MKLN1: variants seen among roughly 807,000 people sequenced by gnomAD.
MKLN1 encodes muskelin.
A neutral mutation model predicts 99.0 loss-of-function variants in MKLN1; 18 were observed. The observed-to-expected ratio is 0.18, with a 90% CI of 0.13 to 0.27. MKLN1 has a LOEUF of 0.27. Ranked by LOEUF, MKLN1 falls within the 10% of genes least tolerant of loss-of-function variation. The pLI is 1.00. For missense variants in MKLN1, 621 were observed against 875.9 expected (o/e 0.71, Z 3.67); for synonymous variants, 288 against 293.2 (o/e 0.98, Z 0.18).
At chr7:131,306,949 G>A (rs1798475815) in intron 3 of MKLN1, among the ~76,000 whole-genome samples, 1 of 152,192 alleles carries the variant, frequency 6.6e-6, no homozygotes, top group African/African-American at 2.4e-5. Context: ...CAGGCCCAGA[G>A]GCCTAGGAGG....
At chr7:131,476,719 T>C (rs1796977790) in intron 16 of MKLN1, among the ~76,000 whole-genome samples, 1 of 152,214 alleles carries the variant, frequency 6.6e-6, no homozygotes. Context: ...GTTGTTGTCA[T>C]TGAGGAAATA....
In MKLN1 at chr7:131,496,159, C is replaced by T. The variant is rs15956; in HGVS notation, c.*8431C>T. On this transcript the variant is annotated 3_prime_UTR_variant, in exon 18 of 18. Transcript: ENST00000352689. Reference sequence around the variant, plus strand: ...ATGAGACTCAATGTGTGGAGAAAACCGCTAACTTGTTTGGTTCTACTCTTA... The same window carrying T: ...ATGAGACTCAATGTGTGGAGAAAACTGCTAACTTGTTTGGTTCTACTCTTA... 88,577 of 151,838 alleles carry T rather than the reference C, an allele frequency of 0.58. 26,290 individuals are homozygous for T. Among genetic ancestry groups the T allele is most frequent in the Middle Eastern group, 0.78 (228 of 294 alleles). The allele number at this position is 151,838 out of a possible 1,614,324, so 9.4% of individuals were successfully genotyped here.
At chr7:131,452,579 TC>T (rs1796213697) in intron 12 of MKLN1, among the ~76,000 whole-genome samples, 1 of 118,918 alleles carries the variant, frequency 8.4e-6, no homozygotes, top group African/African-American at 3.3e-5. Context: ...TGAGATGGAG[TC>T]CCGCCCTGTC....
At chr7:131,438,174 CTT>C (rs1228759631) in intron 10 of MKLN1, among the ~76,000 whole-genome samples, 177 bp downstream of exon 10, 1 of 151,716 alleles carries the variant, frequency 6.6e-6, no homozygotes, top group Non-Finnish European at 1.5e-5. Context: ...ATTTTTTTCT[CTT>C]GTTTGTTGCA....
intron 2 of MKLN1, among the ~76,000 whole-genome samples, chr7:131,181,037 G>A (rs1482640044): frequency 6.6e-6 from 1 of 152,148 alleles, no homozygotes; most frequent in Non-Finnish European, 1.5e-5. Context: ...CATATATTTT[G>A]GGGGTAAATT....
intron 17 of MKLN1, among the ~76,000 whole-genome samples, chr7:131,486,345 T>G (rs907265729): frequency 6.6e-6 from 1 of 152,220 alleles, no homozygotes. Flanking sequence ...TTTCTTTCCA[T>G]TCATTTCCAT....
intron 12 of MKLN1, among the ~76,000 whole-genome samples, chr7:131,451,695 A>G (rs1796183094): frequency 6.6e-6 from 1 of 152,228 alleles, no homozygotes; most frequent in South Asian, 2.1e-4. Flanking sequence ...TGTCTAATAC[A>G]TACATAATTA....
At chr7:131,451,561 A>G (rs1584757448) in intron 12 of MKLN1, among the ~76,000 whole-genome samples, 1 of 152,192 alleles carries the variant, frequency 6.6e-6, no homozygotes, top group South Asian at 2.1e-4. Context: ...TAACATCTGA[A>G]GATCTGAAGA....
At chr7:131,121,731 G>A (rs1795376196) in intron 1 of MKLN1, among the ~76,000 whole-genome samples, 1 of 151,214 alleles carries the variant, frequency 6.6e-6, no homozygotes, top group Non-Finnish European at 1.5e-5. Flanking sequence ...CTATCACACA[G>A]GGGAAGATCA....
intron 1 of MKLN1, among the ~76,000 whole-genome samples, chr7:131,348,991 A>G (rs934853688): frequency 2.0e-5 from 3 of 152,132 alleles, no homozygotes; most frequent in Non-Finnish European, 1.5e-5. Flanking sequence ...GCAAAATAGC[A>G]AACAGTTGAT....
chr7:131,471,046 G>C lies in MKLN1; in HGVS notation c.2031+102G>C. On this transcript the variant is annotated intron_variant, in intron 16 of 17. Transcript: ENST00000352689. ...TCTTGAGTGTGTAAAGGAAAACGAA[G>C]AAAATATGATGACATCAGTAATCTT... is the stretch of plus-strand genomic sequence containing the variant. 6.8e-6 allele frequency: 5 copies of C among 730,752 alleles called. No homozygotes were observed. The South Asian group carries it at 9.1e-5, about 13-fold the overall frequency. 45.3% of individuals were successfully genotyped at this position (730,752 alleles called of 1,614,324 possible). A position where few individuals can be genotyped will look rare whatever the true frequency, so the allele number is the denominator to read the frequency against.
At chr7:131,404,697 C>T (rs1051416808) in intron 6 of MKLN1, among the ~76,000 whole-genome samples, 6 of 151,988 alleles carry the variant, frequency 3.9e-5, no homozygotes, top group Admixed American at 3.3e-4. Flanking sequence ...CTTGACCTCC[C>T]TGGGCTCAAG....
At chr7:131,436,389 A>C (rs1489078958) in intron 9 of MKLN1, among the ~76,000 whole-genome samples, 1 of 152,150 alleles carries the variant, frequency 6.6e-6, no homozygotes, top group Non-Finnish European at 1.5e-5. Flanking sequence ...CACTTTATAC[A>C]TCAATTCTGT....
At chr7:131,261,063 C>A (rs1048361405) in intron 3 of MKLN1, among the ~76,000 whole-genome samples, 4 of 152,158 alleles carry the variant, frequency 2.6e-5, no homozygotes, top group Admixed American at 6.5e-5. Context: ...CTAGGAAATA[C>A]CATTTTGGAC....
chr7:131,172,121 A>G (rs1161343155), intron 2 of MKLN1, among the ~76,000 whole-genome samples: 2 of 151,892 alleles, frequency 1.3e-5, no homozygotes, highest in Non-Finnish European at 2.9e-5. Flanking sequence ...GAATTTATTT[A>G]TTTATTTATT....
intron 10 of MKLN1, among the ~76,000 whole-genome samples, chr7:131,441,213 G>A (rs1795828874): frequency 6.6e-6 from 1 of 152,110 alleles, no homozygotes; most frequent in African/African-American, 2.4e-5. Context: ...ATTCTCACTG[G>A]GTCATGAGGC....
At chr7:131,219,669 GCCC>G (rs1797033625) in intron 3 of MKLN1, among the ~76,000 whole-genome samples, 2 of 152,058 alleles carry the variant, frequency 1.3e-5, no homozygotes, top group Non-Finnish European at 2.9e-5. Context: ...TGGCTGTCGG[GCCC>G]TGGGTTCAGC....
intron 3 of MKLN1, among the ~76,000 whole-genome samples, chr7:131,237,407 T>G (rs1797340145): frequency 6.6e-6 from 1 of 152,208 alleles, no homozygotes; most frequent in African/African-American, 2.4e-5. Context: ...TACCTCATTT[T>G]TCACACAGGA....
At chr7:131,202,983 G>A (rs1796753736) in intron 3 of MKLN1, 1 of 152,164 alleles carries the variant, frequency 6.6e-6, no homozygotes, top group South Asian at 2.1e-4. Flanking sequence ...AGGTAACTGG[G>A]GTAATTCATC....
Sources: allele counts gnomAD v4.1 joint callset (sites outside exome capture counted in the v4.1 genomes callset), GRCh38; gene constraint gnomAD v4.1.1; transcripts MANE v1.5; gene names NCBI Gene and HGNC (gene_info 2026-07-23, HGNC 2026-07-21).